FRAS1: variants seen among roughly 807,000 people sequenced by gnomAD.
The protein encoded by FRAS1 is extracellular matrix organizing protein FRAS1.
A neutral mutation model predicts 435.2 loss-of-function variants in FRAS1; 290 were observed. That is an observed-to-expected ratio of 0.67 (90% CI 0.61 to 0.73). The LOEUF is 0.73. Ranked by LOEUF, FRAS1 falls within the 30% of genes least tolerant of loss-of-function variation. The probability of loss-of-function intolerance (pLI) is 0.00; values close to 1 mark genes in which losing one functional copy is unlikely to be tolerated. For synonymous variants in FRAS1, 1,800 were observed against 1,851.0 expected (o/e 0.97, Z 0.71); for missense variants, 4,860 against 5,001.5 (o/e 0.97, Z 0.85).
chr4:78,440,058 C>G (rs1197478647), intron 40 of FRAS1, among the ~76,000 whole-genome samples: 1 of 127,500 alleles, frequency 7.8e-6, no homozygotes, highest in African/African-American at 3.0e-5. Context: ...GAGTCTCGCT[C>G]TGTCGCCCAG....
chr4:78,260,058 C>G (rs980539537), intron 6 of FRAS1, among the ~76,000 whole-genome samples: 2 of 151,816 alleles, frequency 1.3e-5, no homozygotes, highest in African/African-American at 4.8e-5. Flanking sequence ...TTCCATTGAT[C>G]TATATCTCTG....
chr4:78,412,637 T>A (rs1378303859), intron 31 of FRAS1, among the ~76,000 whole-genome samples: 2 of 152,206 alleles, frequency 1.3e-5, no homozygotes, highest in Non-Finnish European at 2.9e-5. Flanking sequence ...AAAATTATAA[T>A]ATGTAATTGA....
chr4:78,356,914 T>A (rs1730880415), intron 20 of FRAS1, among the ~76,000 whole-genome samples: 1 of 151,986 alleles, frequency 6.6e-6, no homozygotes. Context: ...AGAGAGAGAT[T>A]CCCAATTGCC....
At chr4:78,385,942 C>T (rs1299207881) in intron 28 of FRAS1, among the ~76,000 whole-genome samples, 3 of 151,212 alleles carry the variant, frequency 2.0e-5, no homozygotes, top group Non-Finnish European at 4.4e-5. Flanking sequence ...CAGAGGGCTA[C>T]ATCCAGTCTT....
At position 78,374,265 on chromosome 4, in the gene FRAS1, T is replaced by G; in HGVS notation, c.3151+14T>G. On this transcript the variant is annotated intron_variant, in intron 25 of 73. Transcript: ENST00000512123. ...ACAAATGCACAGGTAACTTGGAGAC[T>G]GCTGATTATTCTGGAAAGAAGTGAG... 1 of 1,469,570 alleles carries G rather than the reference T, an allele frequency of 6.8e-7. No homozygotes were observed. The allele number at this position is 1,469,570 out of a possible 1,614,324, so 91.0% of individuals were successfully genotyped here. A position where few individuals can be genotyped will look rare whatever the true frequency, so the allele number is the denominator to read the frequency against.
At chr4:78,117,764 C>T (rs1362165337) in intron 2 of FRAS1, among the ~76,000 whole-genome samples, 1 of 152,248 alleles carries the variant, frequency 6.6e-6, no homozygotes, top group Non-Finnish European at 1.5e-5. Context: ...ACTTCTTTGC[C>T]ATGGGTTCGA....
intron 2 of FRAS1, among the ~76,000 whole-genome samples, chr4:78,131,217 T>C (rs961448653): frequency 6.6e-6 from 1 of 152,178 alleles, no homozygotes; most frequent in Non-Finnish European, 1.5e-5. Flanking sequence ...TATATGCACA[T>C]ATATGTATAT....
chr4:78,124,620 G>T (rs1274660704), intron 2 of FRAS1, among the ~76,000 whole-genome samples: 1 of 151,924 alleles, frequency 6.6e-6, no homozygotes, highest in Admixed American at 6.5e-5. Flanking sequence ...TTTTTTGGTT[G>T]GTAGGCTATT....
rs760216437 is a variant in FRAS1, at chr4:78,541,584, A to G, written c.*460A>G. The G allele has an allele frequency of 1.6e-4, 24 of 153,730 alleles. No homozygotes were observed. The highest frequency in any genetic ancestry group is 4.1e-4 in the South Asian group (2 of 4,832). The allele number at this position is 153,730 out of a possible 1,614,324, so 9.5% of individuals were successfully genotyped here. A position where few individuals can be genotyped will look rare whatever the true frequency, so the allele number is the denominator to read the frequency against. ...AGACAGCAGAGTATGAACTGCTGAC[A>G]CCCAGATTCCATTAAAAATTCTGCT... On this transcript the variant is annotated 3_prime_UTR_variant, in exon 74 of 74. Coordinates refer to ENST00000512123, the MANE Select transcript of FRAS1 (RefSeq NM_025074.7).
chr4:78,360,685 C>T (rs1324688179), intron 20 of FRAS1, among the ~76,000 whole-genome samples: 1 of 152,118 alleles, frequency 6.6e-6, no homozygotes, highest in Non-Finnish European at 1.5e-5. Flanking sequence ...GGGGTAGTGA[C>T]TTCAGAAGAG....
chr4:78,126,677 T>C (rs1719373069), intron 2 of FRAS1, among the ~76,000 whole-genome samples: 1 of 152,228 alleles, frequency 6.6e-6, no homozygotes, highest in African/African-American at 2.4e-5. Context: ...CATTCTAATC[T>C]TTTGTTTTAT....
chr4:78,083,799 C>T (rs1741017258), intron 2 of FRAS1, among the ~76,000 whole-genome samples: 1 of 151,786 alleles, frequency 6.6e-6, no homozygotes, highest in African/African-American at 2.4e-5. Flanking sequence ...TTGTTAGCAC[C>T]ATCAATGAAC....
At chr4:78,256,852 C>T (rs1327260001) in intron 6 of FRAS1, among the ~76,000 whole-genome samples, 1 of 149,124 alleles carries the variant, frequency 6.7e-6, no homozygotes, top group Non-Finnish European at 1.5e-5. Flanking sequence ...ACTGTGAGAT[C>T]ATTTAGAACC....
chr4:78,344,239 G>T (rs1330685948), intron 20 of FRAS1, among the ~76,000 whole-genome samples: 2 of 151,946 alleles, frequency 1.3e-5, no homozygotes, highest in African/African-American at 4.8e-5. Context: ...CTTTTCATGG[G>T]TATCTAATAA....
chr4:78,219,388 A>G (rs1000993036), intron 2 of FRAS1, among the ~76,000 whole-genome samples: 3 of 152,212 alleles, frequency 2.0e-5, no homozygotes, highest in Admixed American at 2.0e-4. Flanking sequence ...AAAATGTATT[A>G]TCTGCTTATA....
At chr4:78,373,173 G>A (rs1050715426) in intron 24 of FRAS1, among the ~76,000 whole-genome samples, 4 of 152,050 alleles carry the variant, frequency 2.6e-5, no homozygotes, top group African/African-American at 9.7e-5. Context: ...GTGGGAAGGT[G>A]TTTGTACCCT....
intron 2 of FRAS1, among the ~76,000 whole-genome samples, chr4:78,130,435 C>T (rs1364364605): frequency 6.6e-6 from 1 of 152,126 alleles, no homozygotes; most frequent in Non-Finnish European, 1.5e-5. Context: ...ATACTTATTG[C>T]TAGCAATACT....
intron 29 of FRAS1, among the ~76,000 whole-genome samples, chr4:78,396,982 C>T (rs746214438): frequency 4.6e-5 from 7 of 152,298 alleles, no homozygotes; most frequent in Middle Eastern, 3.4e-3. Flanking sequence ...AAGATGTCCA[C>T]GGTGCTTCTT....
intron 58 of FRAS1, among the ~76,000 whole-genome samples, chr4:78,488,594 C>G (rs927937476): frequency 6.6e-6 from 1 of 152,140 alleles, no homozygotes; most frequent in African/African-American, 2.4e-5. Flanking sequence ...ATTACCTGCT[C>G]ATATTTGAGA....
Sources: gnomAD v4.1 joint callset for allele counts (sites outside exome capture counted in the v4.1 genomes callset) on GRCh38, gnomAD v4.1.1 for gene constraint, MANE v1.5 for transcripts, NCBI Gene and HGNC (gene_info 2026-07-23, HGNC 2026-07-21) for gene names.